The following SYT13 variants were observed in gnomAD, a reference collection of about 807,000 sequenced individuals.
The protein encoded by SYT13 is synaptotagmin 13, also known as synaptotagmin-13.
In SYT13, 21 loss-of-function variants were observed where a neutral mutation model predicts 38.6. The ratio of observed to expected loss-of-function variants is 0.54; its 90% CI spans 0.39 to 0.78. The LOEUF is 0.78. Ranked by LOEUF, SYT13 falls within the 30% of genes least tolerant of loss-of-function variation. The probability of loss-of-function intolerance (pLI) is 0.00; values close to 1 mark genes in which losing one functional copy is unlikely to be tolerated. For missense variants in SYT13, 495 were observed against 548.7 expected, an observed-to-expected ratio of 0.90 and a Z score of 0.98; for synonymous variants, 241 against 237.6, an observed-to-expected ratio of 1.01 and a Z score of -0.13.
At chr11:45,283,327 A>G (rs1855096020) in intron 1 of SYT13, among the ~76,000 whole-genome samples, 1 of 152,140 alleles carries the variant, frequency 6.6e-6, no homozygotes, top group African/African-American at 2.4e-5. Flanking sequence ...TAGGCCTTGG[A>G]CACCTCTGTT....
chr11:45,244,550 A>C (rs1456237978), intron 5 of SYT13, among the ~76,000 whole-genome samples, 194 bp from the exon 6 acceptor site: 1 of 152,168 alleles, frequency 6.6e-6, no homozygotes, highest in Non-Finnish European at 1.5e-5. Flanking sequence ...ACAGGTCCCA[A>C]GTCTATGTGA....
intron 4 of SYT13, among the ~76,000 whole-genome samples, chr11:45,251,784 C>G (rs1357461298): frequency 6.6e-6 from 1 of 152,146 alleles, no homozygotes; most frequent in Admixed American, 6.5e-5. Flanking sequence ...CCCCCAACAG[C>G]AGATATGGGG....
chr11:45,275,589 A>G (rs1486806981), intron 1 of SYT13, among the ~76,000 whole-genome samples: 1 of 152,206 alleles, frequency 6.6e-6, no homozygotes, highest in Non-Finnish European at 1.5e-5. Flanking sequence ...GCAGTGTGTA[A>G]AAATCTCCCA....
At chr11:45,249,531 T>C (rs568242667) in intron 4 of SYT13, among the ~76,000 whole-genome samples, 1 of 152,282 alleles carries the variant, frequency 6.6e-6, no homozygotes, top group African/African-American at 2.4e-5. Context: ...GAATAAAGAA[T>C]ATGTGGCCCA....
At chr11:45,268,458 A>G (rs1341862817) in intron 1 of SYT13, among the ~76,000 whole-genome samples, 1 of 152,120 alleles carries the variant, frequency 6.6e-6, no homozygotes, top group Non-Finnish European at 1.5e-5. Flanking sequence ...AAAGTCCCTG[A>G]GCTAAAATTT....
chr11:45,263,055 C>G (rs1854838580), intron 1 of SYT13, among the ~76,000 whole-genome samples: 1 of 152,172 alleles, frequency 6.6e-6, no homozygotes, highest in Non-Finnish European at 1.5e-5. Flanking sequence ...TCCTCCCAGG[C>G]CCTGCCCACC....
rs1565369846 is a variant in SYT13 at position 45,240,806 on chromosome 11, G to C, written c.*3246C>G. ...TTGAGCAACAGTGCATTCTGAAATG[G>C]TCTCTCACCTTATTTTTACCTCTAC... On this transcript the variant is annotated 3_prime_UTR_variant, in exon 6 of 6. Coordinates refer to ENST00000020926, the MANE Select transcript of SYT13 (RefSeq NM_020826.3). 6.6e-6 allele frequency: 1 copy of C among 152,156 alleles called. No individual in the cohort carries two copies. Among genetic ancestry groups the C allele is most frequent in the Non-Finnish European group, 1.5e-5 (1 of 68,022 alleles). The allele number at this position is 152,156 out of a possible 1,614,324, so 9.4% of individuals were successfully genotyped here. A position where few individuals can be genotyped will look rare whatever the true frequency, so the allele number is the denominator to read the frequency against.
At position 45,255,659 on chromosome 11, in the gene SYT13, C is replaced by A. The variant is rs1854735119; in HGVS notation, c.409+7G>T. ...CCATGGAAGTGCAGGGGGCAGGAGACCCCTACCATTCTGAGGGAGGATGAA... is the reference window on the plus strand; with the variant it reads ...CCATGGAAGTGCAGGGGGCAGGAGAACCCTACCATTCTGAGGGAGGATGAA... On this transcript the variant is annotated splice_region_variant and intron_variant, in intron 2 of 5. Transcript: ENST00000020926. The A allele has an allele frequency of 1.2e-6, 2 of 1,613,060 alleles. No individual in the cohort carries two copies. The highest frequency in any genetic ancestry group is 1.7e-6 in the Non-Finnish European group (2 of 1,179,392).
At position 45,286,076 on chromosome 11, in the gene SYT13, C is replaced by T. The variant is rs1042373807; in HGVS notation, c.132G>A (p.Gln44=). The change falls in exon 1 of 6, where the codon CAG becomes CAA. Residue 44 remains glutamine (Q), a synonymous_variant. Coordinates refer to ENST00000020926, the MANE Select transcript of SYT13 (RefSeq NM_020826.3). The part of the protein sequence containing the change: ...HPKKGLLPRD[Q]DPDLEKAKPS... ...GCTTCGCCTTCTCCAGGTCGGGGTCCTGGTCCCGCGGCAGCAGCCCCTTCT... is the reference window on the plus strand; with the variant it reads ...GCTTCGCCTTCTCCAGGTCGGGGTCTTGGTCCCGCGGCAGCAGCCCCTTCT... 6.2e-7 allele frequency: 1 copy of T among 1,609,640 alleles called. No individual in the cohort carries two copies.
intron 1 of SYT13, among the ~76,000 whole-genome samples, chr11:45,260,269 T>A (rs1854799062): frequency 6.6e-6 from 1 of 152,324 alleles, no homozygotes; most frequent in South Asian, 2.1e-4. Context: ...GCTACATGAG[T>A]CTTTTCAAGG....
intron 2 of SYT13, 130 bp from the exon 3 acceptor site, chr11:45,254,534 A>T: frequency 7.5e-7 from 1 of 1,335,776 alleles, no homozygotes. Flanking sequence ...GCAGAATCAC[A>T]GTGGCCACAC....
At chr11:45,272,772 C>T (rs1258480130) in intron 1 of SYT13, among the ~76,000 whole-genome samples, 1 of 152,174 alleles carries the variant, frequency 6.6e-6, no homozygotes, top group Non-Finnish European at 1.5e-5. Flanking sequence ...ATAACAGCCC[C>T]AGAGCTTCCT....
intron 1 of SYT13, among the ~76,000 whole-genome samples, chr11:45,280,125 T>C (rs546174803): frequency 2.0e-5 from 3 of 152,354 alleles, no homozygotes; most frequent in East Asian, 3.9e-4. Flanking sequence ...GAATGAACTA[T>C]TTAACTAATG....
In SYT13 at chr11:45,244,923, A is replaced by C. The variant is rs962315627; in HGVS notation, c.977-567T>G. ...CCTCACATCAAACCAGGTCCATGAC[A>C]ACAGCTCAGGGGTCCTGCAGCTGGA... On this transcript the variant is annotated intron_variant, in intron 5 of 5. Transcript: ENST00000020926. 2.6e-5 allele frequency among the ~76,000 whole-genome samples: 4 copies of C among 152,204 alleles called. No homozygotes were observed. The East Asian group carries it at 7.7e-4, about 29-fold the overall frequency.
At chr11:45,248,890 G>A (rs2135886914) in intron 4 of SYT13, among the ~76,000 whole-genome samples, 1 of 152,294 alleles carries the variant, frequency 6.6e-6, no homozygotes, top group South Asian at 2.1e-4. Flanking sequence ...TGCTCCCTGG[G>A]CACTGCTGCT....
intron 1 of SYT13, among the ~76,000 whole-genome samples, chr11:45,269,105 T>C (rs978596941): frequency 6.6e-6 from 1 of 152,012 alleles, no homozygotes; most frequent in Non-Finnish European, 1.5e-5. Flanking sequence ...GGAGGTTTCA[T>C]AGAGACGCTG....
At position 45,244,191 on chromosome 11, in the gene SYT13, T is replaced by C. The variant is rs1472545503; in HGVS notation, c.1142A>G (p.Gln381Arg). 6.2e-7 allele frequency: 1 copy of C among 1,614,066 alleles called. No homozygotes were observed. The highest frequency in any genetic ancestry group is 8.5e-7 in the Non-Finnish European group (1 of 1,180,050). The stretch of plus-strand genomic sequence containing the variant: ...CGCACAGCTCTGCCCTGAATCGTCC[T>C]GGCCCAGCACTTCCAGCTCCACACT... ...ASSVELEVLG[Q>R]DDSGQSCALG... Residue 381 changes from glutamine to arginine, a missense_variant, in exon 6 of 6, where the codon CAG becomes CGG. Gln to Arg is a conservative substitution (Grantham distance 43). Coordinates refer to ENST00000020926, the MANE Select transcript of SYT13 (RefSeq NM_020826.3).
chr11:45,268,310 C>T (rs1368737552), intron 1 of SYT13, among the ~76,000 whole-genome samples: 1 of 151,158 alleles, frequency 6.6e-6, no homozygotes, highest in Admixed American at 6.6e-5. Context: ...CAGCAAGAAG[C>T]CAGGGGACCC....
chr11:45,267,370 A>G (rs957003857), intron 1 of SYT13, among the ~76,000 whole-genome samples: 2 of 152,184 alleles, frequency 1.3e-5, no homozygotes, highest in African/African-American at 4.8e-5. Context: ...CTGCCCCTTC[A>G]TGCCCATCAG....
Sources: allele counts gnomAD v4.1 joint callset (sites outside exome capture counted in the v4.1 genomes callset), GRCh38; gene constraint gnomAD v4.1.1; transcripts MANE v1.5; gene names NCBI Gene and HGNC (gene_info 2026-07-23, HGNC 2026-07-21).